The following SEMA6C variants were observed in gnomAD, a reference collection of about 807,000 sequenced individuals.
The protein encoded by SEMA6C is semaphorin 6C.
In SEMA6C, 37 loss-of-function variants were observed where a neutral mutation model predicts 72.9. The ratio of observed to expected loss-of-function variants is 0.51; its 90% CI spans 0.39 to 0.67. The LOEUF is 0.67. Among genes scored for constraint, SEMA6C ranks in the 30% least tolerant of loss-of-function variants. SEMA6C has a pLI of 0.00. For synonymous variants in SEMA6C, 578 were observed against 554.1 expected, an observed-to-expected ratio of 1.04 and a Z score of -0.61; for missense variants, 1,189 against 1,263.6, an observed-to-expected ratio of 0.94 and a Z score of 0.89.
At chr1:151,134,736 C>T in intron 16 of SEMA6C, 61 bp from the exon 17 acceptor site, 1 of 1,612,446 alleles carries the variant, frequency 6.2e-7, no homozygotes, top group Non-Finnish European at 8.5e-7. Flanking sequence ...CCACTCTGGC[C>T]CTCAGCTTGT....
At chr1:151,141,704 G>A (rs1054518741) in intron 3 of SEMA6C, among the ~76,000 whole-genome samples, 3 of 139,994 alleles carry the variant, frequency 2.1e-5, no homozygotes, top group African/African-American at 7.9e-5. Flanking sequence ...AAGCCACCGT[G>A]CCCAGCTGAC....
Position 151,134,895 on chromosome 1 carries a change from G to A in SEMA6C, c.1581-20C>T. ...CAGCTCCTAGGGAAAACGGAGGTGT[G>A]TGAGGCTGGATCCCTTTCTACTCCA... On this transcript the variant is annotated intron_variant, in intron 15 of 18. Coordinates refer to ENST00000368914, the MANE Select transcript of SEMA6C (RefSeq NM_030913.6). 1 of 1,605,442 alleles carries A rather than the reference G, an allele frequency of 6.2e-7. No homozygotes were observed. The highest frequency in any genetic ancestry group is 2.2e-5 in the East Asian group (1 of 44,840).
intron 8 of SEMA6C, 60 bp downstream of exon 8, chr1:151,138,256 G>T: frequency 6.3e-7 from 1 of 1,591,986 alleles, no homozygotes; most frequent in Non-Finnish European, 8.6e-7. Context: ...ACTGGGAGAG[G>T]AGCTAAGGTG....
At position 151,136,563 on chromosome 1, in the gene SEMA6C, C is replaced by T. The variant is rs1254191269; in HGVS notation, c.991G>A (p.Val331Ile). Residue 331 changes from valine (V) to isoleucine (I), a missense_variant, in exon 12 of 19, where the codon GTC becomes ATC. Val to Ile is a conservative substitution (Grantham distance 29). Around this residue, in one of 2 missense-constraint regions of SEMA6C, gnomAD observed 468 missense variants for 577.4 expected, o/e 0.81. Coordinates refer to ENST00000368914, the MANE Select transcript of SEMA6C (RefSeq NM_030913.6). ...ATCTCATCCAGGTAGAAGGCGCAGA[C>T]GGCAGAGCCAGGGATGCTGGAGGAG... ...TQTNSIPGSA[V>I]CAFYLDEIER... is the part of the protein sequence containing the mutation. 18 of 1,613,948 alleles carry T rather than the reference C, an allele frequency of 1.1e-5. No homozygotes were observed. The highest frequency in any genetic ancestry group is 3.3e-5 in the South Asian group (3 of 91,084).
intron 13 of SEMA6C, 101 bp from the exon 14 acceptor site, chr1:151,135,865 C>G (rs1167089434): frequency 6.6e-7 from 1 of 1,515,012 alleles, no homozygotes; most frequent in African/African-American, 1.4e-5. Flanking sequence ...GCCCTTCCCC[C>G]AGGCCCCAGG....
intron 13 of SEMA6C, 45 bp from the exon 14 acceptor site, chr1:151,135,809 C>T (rs1333429209): frequency 1.2e-6 from 2 of 1,600,336 alleles, no homozygotes; most frequent in Non-Finnish European, 8.5e-7. Flanking sequence ...TAGTGGAAAC[C>T]TGAGCATTTC....
chr1:151,132,279 T>C lies in SEMA6C; in HGVS notation c.*205A>G, dbSNP rs1410925060. The C allele has an allele frequency of 6.5e-7, 1 of 1,532,166 alleles. No homozygotes were observed. Among genetic ancestry groups the C allele is most frequent in the African/African-American group, 1.4e-5 (1 of 73,052 alleles). 94.9% of individuals were successfully genotyped at this position (1,532,166 alleles called of 1,614,324 possible). On this transcript the variant is annotated 3_prime_UTR_variant, in exon 19 of 19. Coordinates refer to ENST00000368914, the MANE Select transcript of SEMA6C (RefSeq NM_030913.6). Reference sequence around the variant, plus strand: ...ATGCTGGCTCACTGAGGAGACGGGCTTCTCACCTCCCACTCTTCTGTCGAG... The same window carrying C: ...ATGCTGGCTCACTGAGGAGACGGGCCTCTCACCTCCCACTCTTCTGTCGAG...
At chr1:151,140,150 C>A in intron 3 of SEMA6C, 60 bp from the exon 4 acceptor site, 1 of 1,408,390 alleles carries the variant, frequency 7.1e-7, no homozygotes, top group Non-Finnish European at 9.9e-7. Flanking sequence ...ACACCCTCTC[C>A]AACCAGATGA....
At chr1:151,135,086 C>A in intron 15 of SEMA6C, 77 bp downstream of exon 15, 2 of 1,576,956 alleles carry the variant, frequency 1.3e-6, no homozygotes, top group Non-Finnish European at 8.6e-7. Context: ...TCCTGCCACC[C>A]CAAAGACCTG....
intron 3 of SEMA6C, among the ~76,000 whole-genome samples, chr1:151,142,206 T>G (rs1178140867): frequency 2.0e-5 from 3 of 152,076 alleles, no homozygotes; most frequent in Non-Finnish European, 4.4e-5. Context: ...CCGGCTATTT[T>G]TTTTTGTATT....
rs1231615644 is a variant in SEMA6C, at chr1:151,139,474, G to A, written c.305C>T (p.Thr102Ile). 1 of 1,614,006 alleles carries A rather than the reference G, an allele frequency of 6.2e-7. No homozygotes were observed. Among genetic ancestry groups the A allele is most frequent in the South Asian group, 1.1e-5 (1 of 91,072 alleles). ...GEGLVPNKYL[T>I]WRSQDVENCA... ...GTTCTCCACATCTTGGCTTCTCCATGTTAGATACTGAAGGGATAAGTTGAA... is the reference window on the plus strand; with the variant it reads ...GTTCTCCACATCTTGGCTTCTCCATATTAGATACTGAAGGGATAAGTTGAA... The change falls in exon 6 of 19, where the codon ACA becomes ATA. Residue 102 changes from threonine (T) to isoleucine (I), a missense_variant. By Grantham distance (89) the Thr-to-Ile change is moderately conservative. Around this residue, in one of 2 missense-constraint regions of SEMA6C, gnomAD observed 468 missense variants for 577.4 expected, o/e 0.81. Coordinates refer to ENST00000368914, the MANE Select transcript of SEMA6C (RefSeq NM_030913.6).
chr1:151,134,812 G>A lies in SEMA6C; in HGVS notation c.1644C>T (p.Ile548=), dbSNP rs781085013. ...GWHSSRGCVD[I]RGSGGTDVDQ... is the part of the protein sequence containing the mutation. The stretch of plus-strand genomic sequence containing the variant: ...CCATCACTTACCCACCAGATCCCCT[G>A]ATATCCACACAGCCCCTGGAGCTAT... Residue 548 remains isoleucine, a synonymous_variant, in exon 16 of 19, where the codon ATC becomes ATT. Transcript: ENST00000368914. 2.5e-6 allele frequency: 4 copies of A among 1,613,986 alleles called. No individual in the cohort carries two copies. The African/African-American group carries it at 5.3e-5, about 22-fold the overall frequency.
chr1:151,134,798 C>T lies in SEMA6C; in HGVS notation c.1658G>A (p.Gly553Glu). ...GGAAACCCAAGGACCCATCACTTAC[C>T]CACCAGATCCCCTGATATCCACACA... ...RGCVDIRGSG[G>E]TDVDQAGNQE... Residue 553 changes from glycine (G) to glutamate (E), a missense_variant and splice_region_variant, in exon 16 of 19, where the codon GGG becomes GAG. By Grantham distance (98) the Gly-to-Glu change is moderately conservative (BLOSUM62 -2). Around this residue, in one of 2 missense-constraint regions of SEMA6C, gnomAD observed 721 missense variants for 686.2 expected, o/e 1.05. Coordinates refer to ENST00000368914, the MANE Select transcript of SEMA6C (RefSeq NM_030913.6). 1 of 1,614,010 alleles carries T rather than the reference C, an allele frequency of 6.2e-7. No individual in the cohort carries two copies. Among genetic ancestry groups the T allele is most frequent in the Non-Finnish European group, 8.5e-7 (1 of 1,179,916 alleles).
rs1468378877 is a variant in SEMA6C at position 151,137,053 on chromosome 1, G to A, written c.778C>T (p.Arg260Ter). 9 of 1,613,492 alleles carry A rather than the reference G, an allele frequency of 5.6e-6. No homozygotes were observed. The highest frequency in any genetic ancestry group is 6.8e-6 in the Non-Finnish European group (8 of 1,180,040). The change falls in exon 11 of 19, where the codon CGA (arginine) becomes TGA (stop). Residue 260 changes from arginine to a stop codon, truncating the protein, a stop_gained. Transcript: ENST00000368914. LOFTEE classifies it high-confidence loss of function. ...LGRVQFSRVARVCKRDMGGSP... is the reference protein window; with the variant it reads ...LGRVQFSRVA ...CCGCCCATGTCACGTTTACATACTCGGGCTACGCGGGAGAACTGCACCTAG... is the reference window on the plus strand; with the variant it reads ...CCGCCCATGTCACGTTTACATACTCAGGCTACGCGGGAGAACTGCACCTAG...
chr1:151,135,440 C>T (rs1681938621), intron 14 of SEMA6C, 131 bp from the exon 15 acceptor site: 3 of 1,446,670 alleles, frequency 2.1e-6, no homozygotes, highest in Admixed American at 2.0e-5. Flanking sequence ...CGCCCTACCA[C>T]ACTGTCCAGT....
chr1:151,133,551 A>T lies in SEMA6C; in HGVS notation c.1760-34T>A. ...CGAGAGGGAGGAGGGAGGCTCAGCC[A>T]AGGGGAGGCGGTGCGGGGTACCTAG... On this transcript the variant is annotated intron_variant, in intron 18 of 18. Coordinates refer to ENST00000368914, the MANE Select transcript of SEMA6C (RefSeq NM_030913.6). This position sits in a 1 kb window ranked among gnomAD's most constrained non-coding sequence, Gnocchi z 5.9. The T allele has an allele frequency of 6.8e-7, 1 of 1,472,812 alleles. No individual in the cohort carries two copies. The highest frequency in any genetic ancestry group is 9.0e-7 in the Non-Finnish European group (1 of 1,115,734). The allele number at this position is 1,472,812 out of a possible 1,614,324, so 91.2% of individuals were successfully genotyped here. A position where few individuals can be genotyped will look rare whatever the true frequency, so the allele number is the denominator to read the frequency against.
chr1:151,134,097 C>G, intron 18 of SEMA6C: 1 of 1,382,458 alleles, frequency 7.2e-7, no homozygotes, highest in Non-Finnish European at 9.7e-7. Flanking sequence ...GGCTCTTGAT[C>G]TCTACCCCTG....
intron 18 of SEMA6C, chr1:151,134,024 G>T (rs773051197): frequency 1.8e-5 from 28 of 1,535,154 alleles, no homozygotes; most frequent in Non-Finnish European, 2.4e-5. Flanking sequence ...GAGGACTGGG[G>T]GTCCCAGGGG....
At chr1:151,138,147 A>T (rs1682219789) in intron 8 of SEMA6C, 42 bp from the exon 9 acceptor site, 1 of 1,608,000 alleles carries the variant, frequency 6.2e-7, no homozygotes, top group Admixed American at 1.7e-5. Context: ...GGGCTCAGGG[A>T]TCTGTATCCT....
Sources: allele counts gnomAD v4.1 joint callset (sites outside exome capture counted in the v4.1 genomes callset), GRCh38; gene constraint gnomAD v4.1.1; regional missense constraint gnomAD v4.1.1; non-coding constraint Gnocchi (gnomAD v3.1); transcripts MANE v1.5; gene names NCBI Gene and HGNC (gene_info 2026-07-23, HGNC 2026-07-21).